Variants in PLCE1 observed in about 807,000 individuals in gnomAD.
The protein encoded by PLCE1 is phospholipase C epsilon 1.
Under a neutral mutation model 242.8 loss-of-function variants are expected in PLCE1, and 119 were observed. The ratio of observed to expected loss-of-function variants is 0.49; its 90% CI spans 0.42 to 0.57. The LOEUF is 0.57. PLCE1 is among the 20% of genes least tolerant of loss of function. The pLI is 0.00. For missense variants in PLCE1, 2,441 were observed against 2,788.8 expected, an observed-to-expected ratio of 0.88 and a Z score of 2.81; for synonymous variants, 945 against 1,017.4, an observed-to-expected ratio of 0.93 and a Z score of 1.35.
chr10:94,070,680 A>G (rs2044325127), intron 2 of PLCE1, among the ~76,000 whole-genome samples: 1 of 152,220 alleles, frequency 6.6e-6, no homozygotes, highest in African/African-American at 2.4e-5. Context: ...TGATGCCTCT[A>G]TACATTGAAC....
In PLCE1 at chr10:94,273,563, C is replaced by T; in HGVS notation, c.4508C>T (p.Thr1503Ile). 3 of 1,613,148 alleles carry T rather than the reference C, an allele frequency of 1.9e-6. No individual in the cohort carries two copies. The highest frequency in any genetic ancestry group is 1.3e-5 in the African/African-American group (1 of 74,992). Residue 1503 changes from threonine to isoleucine, a missense_variant and splice_region_variant, in exon 19 of 33, where the codon ACT becomes ATT. Physicochemically the swap from Thr to Ile is moderately conservative, Grantham distance 89. Transcript: ENST00000371380. ...QQRKMAEIFK[T>I]VFGEKLVTKF... ...TATGTTTTCCTTCATTCTTTTTAGA[C>T]TGTGTTTGGAGAAAAGCTGGTGACT...
chr10:94,197,070 G>A (rs1202493143), intron 4 of PLCE1, among the ~76,000 whole-genome samples: 3 of 152,074 alleles, frequency 2.0e-5, no homozygotes, highest in Non-Finnish European at 4.4e-5. Flanking sequence ...TGGATATTTT[G>A]TATAAATTGA....
intron 2 of PLCE1, among the ~76,000 whole-genome samples, chr10:94,057,982 T>A (rs1037194224): frequency 1.3e-5 from 2 of 152,202 alleles, no homozygotes; most frequent in African/African-American, 4.8e-5. Flanking sequence ...ATACCTATGC[T>A]CTGCAGGCTT....
At chr10:94,043,936 A>T (rs1275922768) in intron 2 of PLCE1, among the ~76,000 whole-genome samples, 4 of 152,172 alleles carry the variant, frequency 2.6e-5, no homozygotes, top group African/African-American at 7.2e-5. Flanking sequence ...ATTGAGACTG[A>T]CCCAGGAAAT....
intron 1 of PLCE1, among the ~76,000 whole-genome samples, chr10:94,029,745 G>C (rs555263673): frequency 3.3e-5 from 5 of 152,094 alleles, no homozygotes; most frequent in African/African-American, 1.2e-4. Context: ...AAGAGGGTAC[G>C]GGAGAAGCAA....
At chr10:94,174,708 T>G (rs906775896) in intron 4 of PLCE1, among the ~76,000 whole-genome samples, 1 of 152,018 alleles carries the variant, frequency 6.6e-6, no homozygotes, top group Non-Finnish European at 1.5e-5. Context: ...ATCAGGCAAC[T>G]CTAAATTGAA....
At chr10:94,288,567 G>A (rs1202837342) in intron 22 of PLCE1, among the ~76,000 whole-genome samples, 1 of 152,180 alleles carries the variant, frequency 6.6e-6, no homozygotes, top group Admixed American at 6.5e-5. Flanking sequence ...GGCACTGGGA[G>A]GTCCTGGTCC....
intron 27 of PLCE1, among the ~76,000 whole-genome samples, chr10:94,311,039 G>A (rs565630911): frequency 6.6e-6 from 1 of 152,260 alleles, no homozygotes; most frequent in South Asian, 2.1e-4. Flanking sequence ...CAGTTGATCA[G>A]AACAGATGTA....
intron 3 of PLCE1, among the ~76,000 whole-genome samples, chr10:94,150,264 T>C (rs1017697179): frequency 6.6e-6 from 1 of 152,218 alleles, no homozygotes; most frequent in African/African-American, 2.4e-5. Flanking sequence ...ATTTCAAAGA[T>C]GGGAAAACTG....
intron 10 of PLCE1, among the ~76,000 whole-genome samples, chr10:94,254,619 A>G (rs1318186462): frequency 3.9e-5 from 6 of 152,206 alleles, no homozygotes; most frequent in African/African-American, 9.7e-5. Context: ...CTCTGGCCAC[A>G]TCTAAGAATA....
chr10:94,134,101 T>TTC (rs1197465715), intron 3 of PLCE1, among the ~76,000 whole-genome samples: 1 of 152,106 alleles, frequency 6.6e-6, no homozygotes, highest in Admixed American at 6.6e-5. Context: ...CAAAGTCTTT[T>TTC]TTTTTTTTTT....
intron 3 of PLCE1, among the ~76,000 whole-genome samples, chr10:94,161,933 G>A (rs1287704997): frequency 6.6e-6 from 1 of 152,132 alleles, no homozygotes; most frequent in African/African-American, 2.4e-5. Flanking sequence ...TTTGTCATTG[G>A]TTCTGTTTAT....
chr10:94,119,100 C>T (rs1394546608), intron 2 of PLCE1, among the ~76,000 whole-genome samples: 4 of 152,216 alleles, frequency 2.6e-5, no homozygotes, highest in Admixed American at 2.6e-4. Flanking sequence ...TTGTTACTTA[C>T]CTTGTGAGTA....
intron 7 of PLCE1, among the ~76,000 whole-genome samples, chr10:94,243,460 A>G (rs75075103): frequency 0.012 from 1,778 of 152,294 alleles, 41 homozygotes; most frequent in African/African-American, 0.041. Context: ...TAAAGTGTGG[A>G]CCTTAATTAG....
intron 4 of PLCE1, among the ~76,000 whole-genome samples, chr10:94,193,182 G>A (rs1461064253): frequency 6.6e-6 from 1 of 152,178 alleles, no homozygotes; most frequent in Non-Finnish European, 1.5e-5. Context: ...GGAAGGTTCT[G>A]TGAGGAAGAA....
At chr10:94,235,770 T>C in intron 6 of PLCE1, 145 bp from the exon 7 acceptor site, 2 of 1,460,318 alleles carry the variant, frequency 1.4e-6, no homozygotes, top group Non-Finnish European at 1.8e-6. Context: ...AATGAAAAAA[T>C]GTTTTTCCTG....
intron 2 of PLCE1, among the ~76,000 whole-genome samples, chr10:94,117,425 C>G (rs1005107041): frequency 3.9e-5 from 6 of 152,222 alleles, no homozygotes; most frequent in African/African-American, 1.4e-4. Flanking sequence ...GGGAGTGAGA[C>G]TCAGTGACCC....
intron 4 of PLCE1, among the ~76,000 whole-genome samples, chr10:94,199,846 G>A (rs2048938580): frequency 6.8e-6 from 1 of 148,042 alleles, no homozygotes; most frequent in Admixed American, 6.6e-5. Context: ...TAACCAGGCA[G>A]TGTCCCCAGG....
chr10:94,324,303 T>C, intron 30 of PLCE1, 46 bp from the exon 31 acceptor site: 4 of 1,454,508 alleles, frequency 2.8e-6, no homozygotes. Flanking sequence ...ATGCAAATGT[T>C]GGAGATTCTG....
Sources: allele counts gnomAD v4.1 joint callset (sites outside exome capture counted in the v4.1 genomes callset), GRCh38; gene constraint gnomAD v4.1.1; transcripts MANE v1.5; gene names NCBI Gene and HGNC (gene_info 2026-07-23, HGNC 2026-07-21).